Variants in SLC44A5 observed in about 807,000 individuals in gnomAD.
SLC44A5 encodes solute carrier family 44 member 5.
Under a neutral mutation model 101.8 loss-of-function variants are expected in SLC44A5, and 57 were observed. The ratio of observed to expected loss-of-function variants is 0.56; its 90% CI spans 0.45 to 0.70. The LOEUF (loss-of-function observed/expected upper bound fraction) is 0.70. SLC44A5 is among the 30% of genes least tolerant of loss of function. SLC44A5 has a pLI of 0.00. For missense variants in SLC44A5, 737 were observed against 853.1 expected (o/e 0.86, Z 1.70); for synonymous variants, 281 against 290.9 (o/e 0.97, Z 0.35).
intron 2 of SLC44A5, among the ~76,000 whole-genome samples, chr1:75,416,317 TC>T (rs954923769): frequency 5.6e-5 from 8 of 142,858 alleles, no homozygotes; most frequent in African/African-American, 2.0e-4. Flanking sequence ...GCCCCAAACC[TC>T]TGAGCATACA....
intron 6 of SLC44A5, among the ~76,000 whole-genome samples, chr1:75,257,039 GAA>G (rs1323697029): frequency 6.6e-6 from 1 of 152,166 alleles, no homozygotes; most frequent in African/African-American, 2.4e-5. Flanking sequence ...ACCAGAGAGA[GAA>G]GAGATTGTCC....
intron 1 of SLC44A5, among the ~76,000 whole-genome samples, chr1:75,544,266 T>C (rs1313167868): frequency 3.3e-5 from 5 of 152,142 alleles, no homozygotes; most frequent in South Asian, 4.1e-4. Flanking sequence ...GCCATTATGA[T>C]ACAGCAAGAA....
chr1:75,690,854 G>A, the SLC44A5 span, among the ~76,000 whole-genome samples: 1 of 152,154 alleles, frequency 6.6e-6, no homozygotes, highest in Non-Finnish European at 1.5e-5. Flanking sequence ...TAGGCCAGTT[G>A]CAATGGCTCA....
chr1:75,492,507 G>T (rs1668475277), intron 2 of SLC44A5, among the ~76,000 whole-genome samples: 1 of 152,036 alleles, frequency 6.6e-6, no homozygotes, highest in Non-Finnish European at 1.5e-5. Context: ...AAAATGAAAA[G>T]GACACAGTCC....
At chr1:75,683,034 T>A in the SLC44A5 span, among the ~76,000 whole-genome samples, 1 of 151,864 alleles carries the variant, frequency 6.6e-6, no homozygotes, top group Non-Finnish European at 1.5e-5. Flanking sequence ...ATCAGAGAAA[T>A]GCAAATCAAA....
At chr1:75,480,929 A>T (rs907780854) in intron 2 of SLC44A5, among the ~76,000 whole-genome samples, 4 of 152,266 alleles carry the variant, frequency 2.6e-5, no homozygotes, top group Non-Finnish European at 5.9e-5. Flanking sequence ...GAACCAAAAA[A>T]GAGCCCTCAT....
At chr1:75,628,312 T>G in the SLC44A5 span, among the ~76,000 whole-genome samples, 1 of 152,290 alleles carries the variant, frequency 6.6e-6, no homozygotes, top group African/African-American at 2.4e-5. Flanking sequence ...GACCACATGC[T>G]AGTTCCCAAA....
At chr1:75,695,454 A>G in the SLC44A5 span, among the ~76,000 whole-genome samples, 1 of 152,174 alleles carries the variant, frequency 6.6e-6, no homozygotes, top group Non-Finnish European at 1.5e-5. Flanking sequence ...CAATTATTAC[A>G]TAACAGTTAC....
At chr1:75,235,298 A>G (rs1358086721) in intron 11 of SLC44A5, among the ~76,000 whole-genome samples, 1 of 152,084 alleles carries the variant, frequency 6.6e-6, no homozygotes. Flanking sequence ...TTATATTTAT[A>G]AAATAAATAA....
the SLC44A5 span, among the ~76,000 whole-genome samples, chr1:75,687,325 AC>A: frequency 6.6e-6 from 1 of 152,074 alleles, no homozygotes; most frequent in South Asian, 2.1e-4. Context: ...TTTTTTTCAT[AC>A]AGAGTCTCAC....
At chr1:75,341,729 G>T (rs189134111) in intron 3 of SLC44A5, among the ~76,000 whole-genome samples, 3 of 152,218 alleles carry the variant, frequency 2.0e-5, no homozygotes, top group Admixed American at 2.0e-4. Flanking sequence ...CTCATGCTCT[G>T]ACCCTGTGCT....
At chr1:75,693,996 T>C in the SLC44A5 span, among the ~76,000 whole-genome samples, 1 of 151,700 alleles carries the variant, frequency 6.6e-6, no homozygotes, top group Admixed American at 6.6e-5. Context: ...AAGTCTTGAG[T>C]TTTGCTGTGA....
chr1:75,675,959 C>T, the SLC44A5 span, among the ~76,000 whole-genome samples: 1 of 152,144 alleles, frequency 6.6e-6, no homozygotes, highest in Non-Finnish European at 1.5e-5. Flanking sequence ...AGCTCAACAT[C>T]ACTGATCATT....
At chr1:75,622,760 C>A in the SLC44A5 span, among the ~76,000 whole-genome samples, 1 of 152,060 alleles carries the variant, frequency 6.6e-6, no homozygotes, top group South Asian at 2.1e-4. Context: ...TTGGCCTGCT[C>A]AAGGACAGAA....
chr1:75,383,605 G>A (rs1661068917), intron 3 of SLC44A5, among the ~76,000 whole-genome samples: 1 of 152,162 alleles, frequency 6.6e-6, no homozygotes, highest in Admixed American at 6.5e-5. Context: ...GTGACGGGGA[G>A]AATGGAACCA....
the SLC44A5 span, among the ~76,000 whole-genome samples, chr1:75,656,432 C>T: frequency 6.6e-6 from 1 of 152,016 alleles, no homozygotes; most frequent in African/African-American, 2.4e-5. Context: ...AGCAAATCAA[C>T]CAACGATAAT....
At chr1:75,580,433 T>G (rs2102066877) in intron 1 of SLC44A5, among the ~76,000 whole-genome samples, 1 of 152,324 alleles carries the variant, frequency 6.6e-6, no homozygotes, top group East Asian at 1.9e-4. Flanking sequence ...CCATAGCTGC[T>G]TGTTCATGGT....
intron 2 of SLC44A5, among the ~76,000 whole-genome samples, chr1:75,407,441 C>G (rs187472993): frequency 1.3e-5 from 2 of 152,086 alleles, no homozygotes; most frequent in Non-Finnish European, 2.9e-5. Context: ...GGAGGCATCA[C>G]GCTACCTGAC....
chr1:75,601,439 G>A (rs112607051), intron 1 of SLC44A5, among the ~76,000 whole-genome samples: 9 of 105,762 alleles, frequency 8.5e-5, no homozygotes, highest in Admixed American at 2.4e-4. Flanking sequence ...TGTAAATGAC[G>A]GGTTGATGGG....
Sources: gnomAD v4.1 joint callset for allele counts (sites outside exome capture counted in the v4.1 genomes callset) on GRCh38, gnomAD v4.1.1 for gene constraint, MANE v1.5 for transcripts, NCBI Gene and HGNC (gene_info 2026-07-23, HGNC 2026-07-21) for gene names.